DLC1: variants seen among roughly 807,000 people sequenced by gnomAD.
DLC1 encodes the protein DLC1 Rho GTPase activating protein, also known as rho GTPase-activating protein 7.
A neutral mutation model predicts 140.3 loss-of-function variants in DLC1; 54 were observed. The ratio of observed to expected loss-of-function variants is 0.38; its 90% CI spans 0.31 to 0.48. The LOEUF (loss-of-function observed/expected upper bound fraction) is 0.48. Ranked by LOEUF, DLC1 falls within the 20% of genes least tolerant of loss-of-function variation. The pLI is 0.96. For missense variants in DLC1, 2,536 were observed against 1,907.0 expected (o/e 1.33, Z -6.14); for synonymous variants, 986 against 728.1 (o/e 1.35, Z -5.70).
At chr8:13,458,148 T>C (rs73208026) in intron 2 of DLC1, among the ~76,000 whole-genome samples, 11,396 of 152,248 alleles carry the variant, frequency 0.075, 582 homozygotes, top group East Asian at 0.17. Context: ...TAGAACACAA[T>C]GTTTAAGTCA....
At chr8:13,306,881 C>T (rs938466622) in intron 4 of DLC1, among the ~76,000 whole-genome samples, 2 of 151,300 alleles carry the variant, frequency 1.3e-5, no homozygotes, top group African/African-American at 2.4e-5. Context: ...GTCAGGAGAT[C>T]GAGACCAGCC....
chr8:13,171,604 T>TCTCAAACTCCTGGC (rs1310983782), intron 5 of DLC1, among the ~76,000 whole-genome samples: 3 of 151,992 alleles, frequency 2.0e-5, no homozygotes, highest in Non-Finnish European at 4.4e-5. Context: ...TCCAGGCTGG[T>TCTCAAACTCCTGGC]CTCAAACTCC....
chr8:13,398,364 G>C (rs1837143312), intron 3 of DLC1, among the ~76,000 whole-genome samples: 1 of 151,982 alleles, frequency 6.6e-6, no homozygotes, highest in Non-Finnish European at 1.5e-5. Flanking sequence ...ATAGGTAGGT[G>C]GTGGAGAAAA....
upstream of DLC1, among the ~76,000 whole-genome samples, chr8:13,515,825 T>C (rs1300875862): frequency 3.3e-5 from 5 of 152,302 alleles, no homozygotes; most frequent in East Asian, 9.6e-4. Context: ...AATTAGTGCA[T>C]CAATTAATAA....
chr8:13,462,695 C>G (rs1169137570), intron 2 of DLC1, among the ~76,000 whole-genome samples: 1 of 152,110 alleles, frequency 6.6e-6, no homozygotes, highest in African/African-American at 2.4e-5. Context: ...CGTGAGCCAC[C>G]GCGCCCGGCC....
intron 2 of DLC1, among the ~76,000 whole-genome samples, chr8:13,451,993 T>C (rs1002851010): frequency 1.3e-5 from 2 of 152,098 alleles, no homozygotes; most frequent in African/African-American, 4.8e-5. Context: ...ACCAACAGAG[T>C]ACGAGGGTTC....
At chr8:13,135,474 C>T (rs1037512883) in intron 5 of DLC1, among the ~76,000 whole-genome samples, 1 of 152,100 alleles carries the variant, frequency 6.6e-6, no homozygotes, top group Admixed American at 6.5e-5. Context: ...AGCCACCGCG[C>T]CCGGTCGAGA....
chr8:13,402,931 C>G (rs7832294), intron 2 of DLC1, among the ~76,000 whole-genome samples: 58,728 of 152,034 alleles, frequency 0.39, 12,515 homozygotes, highest in Non-Finnish European at 0.48. Flanking sequence ...TAATATTACA[C>G]AGGTATTATC....
chr8:13,188,813 A>ATATATATATATATG, intron 5 of DLC1, among the ~76,000 whole-genome samples: 1 of 39,754 alleles, frequency 2.5e-5, no homozygotes, highest in East Asian at 2.3e-3. Context: ...ATATATATAT[A>ATATATATATATATG]TATATATATA....
chr8:13,140,492 C>A (rs992773111), intron 5 of DLC1, among the ~76,000 whole-genome samples: 1 of 151,248 alleles, frequency 6.6e-6, no homozygotes, highest in Middle Eastern at 3.2e-3. Flanking sequence ...CTCTGCCTTC[C>A]AAAGTGCTGG....
chr8:13,210,926 A>G lies in DLC1; in HGVS notation c.1348+94343T>C, dbSNP rs181995183. On this transcript the variant is annotated intron_variant, in intron 5 of 17. Coordinates refer to ENST00000276297, the MANE Select transcript of DLC1 (RefSeq NM_182643.3). Reference sequence around the variant, plus strand: ...TTTCATCTGTAGGAATAGAATGAACATTTAAAATGAATAGAGTGTCAGCTT... The same window carrying G: ...TTTCATCTGTAGGAATAGAATGAACGTTTAAAATGAATAGAGTGTCAGCTT... Among the ~76,000 whole-genome samples, 3 of 152,350 alleles carry G rather than the reference A, an allele frequency of 2.0e-5. No individual in the cohort carries two copies. The East Asian group carries it at 5.8e-4, about 29-fold the overall frequency.
Position 13,539,940 on chromosome 8 carries a change from T to A in DLC1, c.-125-39744A>T, listed in dbSNP as rs566819604. Among the ~76,000 whole-genome samples the A allele has an allele frequency of 3.3e-5, 5 of 152,306 alleles. No homozygotes were observed. In the South Asian group the frequency reaches 1.0e-3, roughly 32 times the overall value. ...AGAATAAGCTACAAAACCTTTTCAA[T>A]GCAGCAGTGAAGAGAAGGGAGACGT... On this transcript the variant is annotated intron_variant, in intron 1 of 1. Transcript: ENST00000631382.
At chr8:13,403,558 A>C (rs1837389619) in intron 2 of DLC1, among the ~76,000 whole-genome samples, 2 of 152,168 alleles carry the variant, frequency 1.3e-5, no homozygotes, top group Admixed American at 1.3e-4. Flanking sequence ...TGTGTAACGG[A>C]GGCCTCTGTC....
rs188232417 is a variant in DLC1, at chr8:13,181,508, C to T, written c.1349-65851G>A. ...CCCAGCCCCCCACCCCATGTCCGGT[C>T]CCGGTGTGTGATGTTTCCCACCTTG... On this transcript the variant is annotated intron_variant, in intron 5 of 17. Coordinates refer to ENST00000276297, the MANE Select transcript of DLC1 (RefSeq NM_182643.3). 4.7e-3 allele frequency among the ~76,000 whole-genome samples: 686 copies of T among 145,788 alleles called. 6 individuals carry two copies. The highest frequency in any genetic ancestry group is 0.039 in the Middle Eastern group (11 of 280).
At chr8:13,161,868 G>A (rs566782271) in intron 5 of DLC1, among the ~76,000 whole-genome samples, 117 of 152,252 alleles carry the variant, frequency 7.7e-4, no homozygotes, top group Non-Finnish European at 1.4e-3. Flanking sequence ...ATCAATATTC[G>A]TAGTATTTTT....
chr8:13,092,575 G>C (rs1405469620), intron 13 of DLC1, 37 bp downstream of exon 13: 2 of 1,581,084 alleles, frequency 1.3e-6, no homozygotes, highest in Non-Finnish European at 1.7e-6. Flanking sequence ...AATGTAGGCT[G>C]CCCCCTGTGT....
At chr8:13,551,297 T>G (rs958231013) in intron 1 of DLC1, among the ~76,000 whole-genome samples, 3 of 152,102 alleles carry the variant, frequency 2.0e-5, no homozygotes, top group Non-Finnish European at 2.9e-5. Flanking sequence ...GTCTTCAGTA[T>G]GTGCACACAT....
chr8:13,172,596 G>T (rs17126427), intron 5 of DLC1, among the ~76,000 whole-genome samples: 4 of 151,988 alleles, frequency 2.6e-5, no homozygotes, highest in Non-Finnish European at 5.9e-5. Context: ...TAGAGACTTC[G>T]TCAACTCACA....
intron 5 of DLC1, among the ~76,000 whole-genome samples, chr8:13,282,851 T>G (rs1385906831): frequency 6.6e-6 from 1 of 152,182 alleles, no homozygotes; most frequent in African/African-American, 2.4e-5. Flanking sequence ...ATAAAAATAC[T>G]AACCCCTTGC....
Sources: gnomAD v4.1 joint callset for allele counts (sites outside exome capture counted in the v4.1 genomes callset) on GRCh38, gnomAD v4.1.1 for gene constraint, MANE v1.5 for transcripts, NCBI Gene and HGNC (gene_info 2026-07-23, HGNC 2026-07-21) for gene names.